TRIO: variants seen among roughly 807,000 people sequenced by gnomAD.
TRIO encodes the protein triple functional domain protein.
TRIO carries 58 observed loss-of-function variants against 351.9 expected under a neutral mutation model. The ratio of observed to expected loss-of-function variants is 0.16; its 90% confidence interval spans 0.13 to 0.21. TRIO has a LOEUF of 0.21. Among genes scored for constraint, TRIO ranks in the 10% least tolerant of loss-of-function variants. TRIO has a pLI of 1.00. For missense variants in TRIO, 3,201 were observed against 4,027.8 expected (o/e 0.79, Z 5.56); for synonymous variants, 1,758 against 1,595.7 (o/e 1.10, Z -2.42).
chr5:14,401,158 G>A (rs772273532), intron 31 of TRIO, 94 bp downstream of exon 31: 3 of 1,045,096 alleles, frequency 2.9e-6, no homozygotes, highest in African/African-American at 1.6e-5. Context: ...ATTATTATTT[G>A]TTGTTGTTGT....
chr5:14,490,247 C>T (rs568222929), intron 48 of TRIO, among the ~76,000 whole-genome samples: 41 of 152,218 alleles, frequency 2.7e-4, no homozygotes, highest in Non-Finnish European at 5.7e-4. Context: ...CCATTGCACT[C>T]CAGCCTGGAT....
In TRIO at chr5:14,286,762, C is replaced by G; in HGVS notation, c.348-109C>G. ...GTGTGCTCCTTCCCCTGCCTCCGCA[C>G]GTGTCCAGCAGGGGAGGGAAGCTGG... On this transcript the variant is annotated intron_variant, in intron 3 of 56. Transcript: ENST00000344204. This position sits in a 1 kb window ranked among gnomAD's most constrained non-coding sequence, Gnocchi z 4.4. The G allele has an allele frequency of 8.7e-7, 1 of 1,144,818 alleles. No homozygotes were observed. Among genetic ancestry groups the G allele is most frequent in the Non-Finnish European group, 1.2e-6 (1 of 809,600 alleles). The allele number at this position is 1,144,818 out of a possible 1,614,324, so 70.9% of individuals were successfully genotyped here.
intron 8 of TRIO, among the ~76,000 whole-genome samples, chr5:14,309,141 C>G (rs1014709699): frequency 7.5e-6 from 1 of 133,412 alleles, no homozygotes; most frequent in African/African-American, 2.8e-5. Context: ...ACTGCTGTAT[C>G]TATCTGTGTC....
chr5:14,484,943 C>A, intron 46 of TRIO, 126 bp from the exon 47 acceptor site: 17 of 979,824 alleles, frequency 1.7e-5, no homozygotes, highest in Non-Finnish European at 2.3e-5. Context: ...AATTTCTTTC[C>A]TCATTAAGGC....
chr5:14,316,614 G>T lies in TRIO; in HGVS notation c.1602G>T (p.Val534=). 3.7e-6 allele frequency: 6 copies of T among 1,614,214 alleles called. No homozygotes were observed. The highest frequency in any genetic ancestry group is 5.1e-6 in the Non-Finnish European group (6 of 1,180,044). The part of the protein sequence containing the change: ...LTASANYSKA[V]HHVLDVIHEV... Reference sequence around the variant, plus strand: ...CCTCTGCCAACTACTCCAAGGCCGTGCACCATGTCCTGGATGTCATCCACG... The same window carrying T: ...CCTCTGCCAACTACTCCAAGGCCGTTCACCATGTCCTGGATGTCATCCACG... The change falls in exon 9 of 57, where the codon GTG becomes GTT. Residue 534 remains valine (V), a synonymous_variant. Transcript: ENST00000344204.
chr5:14,284,862 T>C (rs1736305906), intron 3 of TRIO, among the ~76,000 whole-genome samples: 1 of 152,232 alleles, frequency 6.6e-6, no homozygotes, highest in South Asian at 2.1e-4. Context: ...TGGAGTAGAA[T>C]GCCTTACTGG....
chr5:14,193,694 C>T (rs1319662437), intron 1 of TRIO, among the ~76,000 whole-genome samples: 2 of 152,240 alleles, frequency 1.3e-5, no homozygotes, highest in Middle Eastern at 3.4e-3. Flanking sequence ...TTTTTTAGGT[C>T]TCTGCAAAGT....
chr5:14,495,376 T>C (rs27480), intron 49 of TRIO, among the ~76,000 whole-genome samples: 21,293 of 152,126 alleles, frequency 0.14, 1,546 homozygotes, highest in Admixed American at 0.2. Context: ...ATAAACTTAG[T>C]TGACAGTGCA....
At chr5:14,149,475 A>G (rs566575582) in intron 1 of TRIO, among the ~76,000 whole-genome samples, 1 of 152,180 alleles carries the variant, frequency 6.6e-6, no homozygotes, top group East Asian at 1.9e-4. Flanking sequence ...TCCCCTCTCC[A>G]CATAAGGAAG....
intron 36 of TRIO, among the ~76,000 whole-genome samples, chr5:14,464,976 A>C (rs529921323): frequency 6.6e-6 from 1 of 152,198 alleles, no homozygotes; most frequent in East Asian, 1.9e-4. Context: ...TGCACTAATC[A>C]TGGGGAAATG....
chr5:14,391,661 T>C (rs1747093488), intron 27 of TRIO, among the ~76,000 whole-genome samples: 1 of 152,226 alleles, frequency 6.6e-6, no homozygotes, highest in Non-Finnish European at 1.5e-5. Flanking sequence ...CCAATACATT[T>C]TGATTGAAGG....
chr5:14,337,042 C>G (rs1011803656), intron 11 of TRIO, among the ~76,000 whole-genome samples: 3 of 152,196 alleles, frequency 2.0e-5, no homozygotes, highest in Admixed American at 6.5e-5. Context: ...GCTGTTGGGT[C>G]TCCTTCCTGG....
rs561685705 is a variant in TRIO at position 14,179,180 on chromosome 5, C to G, written c.157+35298C>G. Reference sequence around the variant, plus strand: ...GTGTCCCGTCCTGCCACCCACCCCGCTTTGGCCCCACCCCCCACCTTTGTG... The same window carrying G: ...GTGTCCCGTCCTGCCACCCACCCCGGTTTGGCCCCACCCCCCACCTTTGTG... On this transcript the variant is annotated intron_variant, in intron 1 of 56. Coordinates refer to ENST00000344204, the MANE Select transcript of TRIO (RefSeq NM_007118.4). Among the ~76,000 whole-genome samples, 3 of 152,262 alleles carry G rather than the reference C, an allele frequency of 2.0e-5. No homozygotes were observed. In the South Asian group the frequency reaches 6.2e-4, roughly 32 times the overall value.
intron 15 of TRIO, among the ~76,000 whole-genome samples, chr5:14,366,183 A>G (rs768999492): frequency 3.2e-4 from 48 of 152,086 alleles, no homozygotes; most frequent in Non-Finnish European, 6.0e-4. Flanking sequence ...GGGCTTAGAC[A>G]ATAAAAGTAC....
At chr5:14,308,771 A>T (rs1175508486) in intron 8 of TRIO, among the ~76,000 whole-genome samples, 1 of 80,964 alleles carries the variant, frequency 1.2e-5, no homozygotes, top group Non-Finnish European at 2.4e-5. Flanking sequence ...TTACCCATCC[A>T]TTCATCTATC....
chr5:14,391,417 C>T (rs188497567), intron 27 of TRIO, among the ~76,000 whole-genome samples: 4 of 152,270 alleles, frequency 2.6e-5, no homozygotes, highest in Admixed American at 6.5e-5. Context: ...ATTTTAATTT[C>T]ATGATGTTAC....
chr5:14,376,142 C>A (rs755804032), intron 19 of TRIO, among the ~76,000 whole-genome samples: 10 of 152,152 alleles, frequency 6.6e-5, no homozygotes, highest in Non-Finnish European at 1.0e-4. Context: ...AAATGCTGCT[C>A]TTCTGTTCTT....
At chr5:14,204,044 A>C (rs1333652079) in intron 1 of TRIO, among the ~76,000 whole-genome samples, 1 of 152,220 alleles carries the variant, frequency 6.6e-6, no homozygotes, top group East Asian at 1.9e-4. Context: ...TGGATGTCTC[A>C]AATGTTTCTA....
At chr5:14,378,205 C>A in intron 20 of TRIO, 78 bp downstream of exon 20, 1 of 1,093,160 alleles carries the variant, frequency 9.1e-7, no homozygotes, top group Non-Finnish European at 1.3e-6. Flanking sequence ...CTGAGCTTGA[C>A]ATTTCCGCCA....
Sources: allele counts gnomAD v4.1 joint callset (sites outside exome capture counted in the v4.1 genomes callset), GRCh38; gene constraint gnomAD v4.1.1; non-coding constraint Gnocchi (gnomAD v3.1); transcripts MANE v1.5; gene names NCBI Gene and HGNC (gene_info 2026-07-23, HGNC 2026-07-21).